TCF12: variants seen among roughly 807,000 people sequenced by gnomAD.
TCF12 encodes transcription factor 12.
A neutral mutation model predicts 86.0 loss-of-function variants in TCF12; 45 were observed. The observed-to-expected ratio is 0.52, with a 90% confidence interval of 0.41 to 0.67. The LOEUF (loss-of-function observed/expected upper bound fraction) is 0.67. TCF12 is among the 30% of genes least tolerant of loss of function. The probability of loss-of-function intolerance (pLI) is 0.00; values close to 1 mark genes in which losing one functional copy is unlikely to be tolerated. For synonymous variants in TCF12, 330 were observed against 299.6 expected (o/e 1.10, Z -1.05); for missense variants, 881 against 859.9 (o/e 1.02, Z -0.31).
chr15:57,250,379 A>G (rs1265275552), intron 13 of TCF12, among the ~76,000 whole-genome samples: 5 of 152,212 alleles, frequency 3.3e-5, no homozygotes, highest in African/African-American at 1.2e-4. Context: ...ACTGTTCATA[A>G]TAGCCGAGTG....
chr15:56,949,470 T>C (rs1595812135), intron 3 of TCF12, among the ~76,000 whole-genome samples: 5 of 152,388 alleles, frequency 3.3e-5, no homozygotes, highest in Admixed American at 3.3e-4. Flanking sequence ...AACTCAGTTA[T>C]GTATGAATTA....
chr15:57,190,466 A>G (rs1035037191), intron 6 of TCF12, among the ~76,000 whole-genome samples: 2 of 152,136 alleles, frequency 1.3e-5, no homozygotes, highest in Admixed American at 6.6e-5. Flanking sequence ...AGTAAGGGGT[A>G]TTAAATATAT....
chr15:56,986,684 A>G (rs565023695), intron 3 of TCF12, among the ~76,000 whole-genome samples: 38 of 152,188 alleles, frequency 2.5e-4, no homozygotes, highest in Admixed American at 5.9e-4. Flanking sequence ...CCTTATGTAT[A>G]TCCTTATATA....
chr15:57,005,166 G>A (rs16977192), intron 3 of TCF12, among the ~76,000 whole-genome samples: 2,627 of 152,180 alleles, frequency 0.017, 84 homozygotes, highest in African/African-American at 0.056. Context: ...GGTGTTCTTA[G>A]GTATTCTTTA....
At chr15:57,100,687 T>C (rs1230371648) in intron 5 of TCF12, among the ~76,000 whole-genome samples, 1 of 152,262 alleles carries the variant, frequency 6.6e-6, no homozygotes, top group South Asian at 2.1e-4. Context: ...ATAAATAATA[T>C]GTTATAAAGA....
At chr15:57,094,506 A>G (rs1441458305) in intron 5 of TCF12, among the ~76,000 whole-genome samples, 2 of 152,208 alleles carry the variant, frequency 1.3e-5, no homozygotes, top group African/African-American at 4.8e-5. Context: ...ACTGACACCC[A>G]AACGTGGGTT....
intron 5 of TCF12, among the ~76,000 whole-genome samples, chr15:57,162,386 A>T (rs1485544249): frequency 6.6e-6 from 1 of 152,250 alleles, no homozygotes; most frequent in African/African-American, 2.4e-5. Context: ...AGAATTAAAA[A>T]TGAATGCCTC....
At chr15:57,037,569 T>C (rs2066592480) in intron 3 of TCF12, among the ~76,000 whole-genome samples, 1 of 152,236 alleles carries the variant, frequency 6.6e-6, no homozygotes, top group Non-Finnish European at 1.5e-5. Context: ...TGGGTTGTCC[T>C]CTTGTATTGT....
intron 6 of TCF12, among the ~76,000 whole-genome samples, chr15:57,187,589 C>T (rs746283569): frequency 1.2e-4 from 19 of 152,052 alleles, no homozygotes; most frequent in Non-Finnish European, 2.8e-4. Context: ...CATTCAAAGC[C>T]GTCCTGGGCC....
At chr15:57,261,218 G>T (rs2060571560) in intron 16 of TCF12, among the ~76,000 whole-genome samples, 1 of 152,098 alleles carries the variant, frequency 6.6e-6, no homozygotes, top group African/African-American at 2.4e-5. Context: ...AAATGGCTAT[G>T]TTTCTTAAAA....
chr15:57,282,606 C>A lies in TCF12; in HGVS notation c.*11+8C>A. 6.2e-7 allele frequency: 1 copy of A among 1,603,836 alleles called. No individual in the cohort carries two copies. Among genetic ancestry groups the A allele is most frequent in the Middle Eastern group, 1.7e-4 (1 of 5,998 alleles). On this transcript the variant is annotated splice_region_variant and intron_variant, in intron 20 of 20. Coordinates refer to ENST00000333725, the MANE Select transcript of TCF12 (RefSeq NM_207037.2). ...TATGTAAACATCAGCCAGGTAAGTA[C>A]GGGTTTGAAAAGAAACAGCAAGGAA...
chr15:56,933,910 AATAT>A (rs2060355829), intron 3 of TCF12, among the ~76,000 whole-genome samples: 1 of 151,738 alleles, frequency 6.6e-6, no homozygotes, highest in Admixed American at 6.6e-5. Context: ...TTTACATATA[AATAT>A]ATATTTCATC....
chr15:57,152,438 T>C (rs1002769595), intron 5 of TCF12, among the ~76,000 whole-genome samples: 2 of 152,094 alleles, frequency 1.3e-5, no homozygotes, highest in African/African-American at 4.8e-5. Flanking sequence ...AAAATAGCTC[T>C]GGCTAAGATA....
intron 3 of TCF12, among the ~76,000 whole-genome samples, chr15:56,951,611 C>G (rs1365071796): frequency 2.0e-5 from 3 of 152,076 alleles, no homozygotes; most frequent in African/African-American, 7.2e-5. Flanking sequence ...TCTAAGAAAT[C>G]TTTCCTTAAT....
chr15:56,918,463 C>T (rs886584060), upstream of TCF12: 47 of 335,542 alleles, frequency 1.4e-4, no homozygotes, highest in Non-Finnish European at 2.2e-4. Flanking sequence ...TCCCCACCGG[C>T]CCCAACTCCG....
chr15:56,934,148 G>A (rs2060367452), intron 3 of TCF12, among the ~76,000 whole-genome samples: 2 of 152,086 alleles, frequency 1.3e-5, no homozygotes. Context: ...CCATATTAGT[G>A]CCCTTCAGTC....
chr15:57,279,737 T>C (rs1415873313), intron 19 of TCF12, among the ~76,000 whole-genome samples: 4 of 152,140 alleles, frequency 2.6e-5, no homozygotes, highest in African/African-American at 7.2e-5. Flanking sequence ...CTAAGAGCAA[T>C]TTTCCATTAT....
At chr15:57,267,691 G>T (rs546342190) in intron 18 of TCF12, among the ~76,000 whole-genome samples, 9 of 152,318 alleles carry the variant, frequency 5.9e-5, no homozygotes, top group African/African-American at 2.2e-4. Flanking sequence ...CCAGCTCATA[G>T]ATCAGTTTGC....
At chr15:57,168,822 G>C (rs916518175) in intron 6 of TCF12, among the ~76,000 whole-genome samples, 1 of 152,136 alleles carries the variant, frequency 6.6e-6, no homozygotes. Context: ...AAGGCGGGCG[G>C]ATTGCCTGAG....
Sources: gnomAD v4.1 joint callset for allele counts (sites outside exome capture counted in the v4.1 genomes callset) on GRCh38, gnomAD v4.1.1 for gene constraint, MANE v1.5 for transcripts, NCBI Gene and HGNC (gene_info 2026-07-23, HGNC 2026-07-21) for gene names.